GPC6: variants seen among roughly 807,000 people sequenced by gnomAD.
The protein encoded by GPC6 is glypican-6.
A neutral mutation model predicts 55.2 loss-of-function variants in GPC6; 14 were observed. The ratio of observed to expected loss-of-function variants is 0.25; its 90% confidence interval spans 0.17 to 0.40. The LOEUF (loss-of-function observed/expected upper bound fraction) is 0.40. Among genes scored for constraint, GPC6 ranks in the 10% least tolerant of loss-of-function variants. The pLI, the probability that GPC6 is intolerant of heterozygous loss-of-function variation, is 1.00. For synonymous variants in GPC6, 278 were observed against 259.6 expected, an observed-to-expected ratio of 1.07 and a Z score of -0.68; for missense variants, 641 against 708.5, an observed-to-expected ratio of 0.90 and a Z score of 1.08.
rs146505900 is a variant in GPC6, at chr13:94,061,341, A to G, written c.877+33447A>G. ...AACTGTTTATTTTTATATGAAAGAA[A>G]CACAATTTATTAAACAAGACAAGAA... On this transcript the variant is annotated intron_variant, in intron 4 of 8. Transcript: ENST00000377047. 4.0e-4 allele frequency among the ~76,000 whole-genome samples: 61 copies of G among 152,316 alleles called. 1 individual carries two copies. The Middle Eastern group carries it at 0.01, about 25-fold the overall frequency.
At chr13:93,858,966 A>G (rs1308024349) in intron 3 of GPC6, among the ~76,000 whole-genome samples, 2 of 151,636 alleles carry the variant, frequency 1.3e-5, no homozygotes, top group Admixed American at 6.6e-5. Context: ...TTATGTTAAG[A>G]TGAAAGAAAT....
chr13:93,597,625 T>G (rs1877820648), intron 2 of GPC6, among the ~76,000 whole-genome samples: 1 of 152,166 alleles, frequency 6.6e-6, no homozygotes, highest in South Asian at 2.1e-4. Flanking sequence ...TTCTTGCCTC[T>G]CCTTAGCCTC....
chr13:93,817,891 T>C (rs1036851565), intron 2 of GPC6, among the ~76,000 whole-genome samples: 1 of 149,610 alleles, frequency 6.7e-6, no homozygotes, highest in South Asian at 2.1e-4. Flanking sequence ...GATAGATAGA[T>C]AGATATAAAT....
At chr13:93,361,391 C>T (rs1881034976) in intron 1 of GPC6, among the ~76,000 whole-genome samples, 1 of 152,114 alleles carries the variant, frequency 6.6e-6, no homozygotes, top group Non-Finnish European at 1.5e-5. Context: ...CCACAAACCC[C>T]TAAGATGTAT....
At chr13:94,359,998 G>T (rs977568424) in intron 6 of GPC6, among the ~76,000 whole-genome samples, 5 of 152,188 alleles carry the variant, frequency 3.3e-5, no homozygotes, top group African/African-American at 7.2e-5. Context: ...TCAAGGAGAG[G>T]ATTTCTAATG....
chr13:93,789,497 CTCTCTCTCTCTCTA>C (rs1885924581), intron 2 of GPC6, among the ~76,000 whole-genome samples: 1 of 77,016 alleles, frequency 1.3e-5, no homozygotes, highest in Non-Finnish European at 2.7e-5. Flanking sequence ...CTCTCTCTCT[CTCTCTCTCTCTCTA>C]TATATATATA....
intron 6 of GPC6, among the ~76,000 whole-genome samples, chr13:94,350,643 T>C (rs1878494305): frequency 6.6e-6 from 1 of 152,184 alleles, no homozygotes; most frequent in Non-Finnish European, 1.5e-5. Flanking sequence ...TATAATATGA[T>C]ACTCATAATA....
chr13:93,988,472 T>G lies in GPC6; in HGVS notation c.712-39257T>G, dbSNP rs146530156. On this transcript the variant is annotated intron_variant, in intron 3 of 8. Transcript: ENST00000377047. ...TTAATGCATTACGTTAAATGATTCT[T>G]ATAATCTATTTTGGCTAGGATAGCA... 4.0e-3 allele frequency among the ~76,000 whole-genome samples: 614 copies of G among 152,344 alleles called. 1 individual carries two copies. The highest frequency in any genetic ancestry group is 0.011 in the South Asian group (54 of 4,824).
intron 4 of GPC6, among the ~76,000 whole-genome samples, chr13:94,254,550 T>C (rs961969777): frequency 9.2e-5 from 14 of 152,054 alleles, no homozygotes; most frequent in Admixed American, 8.5e-4. Context: ...ATAAAAATAA[T>C]AAAAGTGTAA....
At chr13:93,300,238 T>C (rs1471040955) in intron 1 of GPC6, among the ~76,000 whole-genome samples, 1 of 152,246 alleles carries the variant, frequency 6.6e-6, no homozygotes, top group Non-Finnish European at 1.5e-5. Context: ...CAGGTGTTTA[T>C]ATTTTAGCAT....
chr13:94,027,355 G>T (rs116834371), intron 3 of GPC6, among the ~76,000 whole-genome samples: 20 of 152,212 alleles, frequency 1.3e-4, no homozygotes, highest in African/African-American at 4.6e-4. Flanking sequence ...TAGAAACAGG[G>T]TCAAATAAGC....
Position 94,403,001 on chromosome 13 carries a change from T to C in GPC6, c.1466-14T>C. 1 of 1,587,790 alleles carries C rather than the reference T, an allele frequency of 6.3e-7. No homozygotes were observed. Among genetic ancestry groups the C allele is most frequent in the Admixed American group, 1.7e-5 (1 of 59,988 alleles). On this transcript the variant is annotated splice_polypyrimidine_tract_variant and intron_variant, in intron 8 of 8. Coordinates refer to ENST00000377047, the MANE Select transcript of GPC6 (RefSeq NM_005708.5). Reference sequence around the variant, plus strand: ...TCAGTGGTCTAACTTTCTTTTTCAATCTTTCCACACTAGGTGATGAATCCA... The same window carrying C: ...TCAGTGGTCTAACTTTCTTTTTCAACCTTTCCACACTAGGTGATGAATCCA...
intron 4 of GPC6, among the ~76,000 whole-genome samples, chr13:94,201,680 G>T (rs1348472131): frequency 1.3e-5 from 2 of 152,134 alleles, no homozygotes; most frequent in Non-Finnish European, 2.9e-5. Flanking sequence ...GCCGGGCATG[G>T]TGGCTTACAC....
intron 4 of GPC6, among the ~76,000 whole-genome samples, chr13:94,266,627 C>G (rs1226636972): frequency 6.6e-6 from 1 of 152,092 alleles, no homozygotes; most frequent in Non-Finnish European, 1.5e-5. Context: ...TCTCTGCTCC[C>G]CTTTCCCTGC....
At chr13:93,361,638 C>A (rs1323931415) in intron 1 of GPC6, among the ~76,000 whole-genome samples, 1 of 152,082 alleles carries the variant, frequency 6.6e-6, no homozygotes, top group Admixed American at 6.5e-5. Context: ...AAAGTGTTTA[C>A]AAATTGCACA....
At chr13:93,246,735 T>C (rs1594050680) in intron 1 of GPC6, among the ~76,000 whole-genome samples, 1 of 126,656 alleles carries the variant, frequency 7.9e-6, no homozygotes, top group East Asian at 2.3e-4. Context: ...GAGCTTGCAG[T>C]GAGCCGAGAT....
At chr13:93,812,971 A>T (rs1954015209) in intron 2 of GPC6, among the ~76,000 whole-genome samples, 1 of 152,172 alleles carries the variant, frequency 6.6e-6, no homozygotes, top group Admixed American at 6.5e-5. Context: ...GCATCATTCC[A>T]CTTATGTTGT....
chr13:93,743,270 A>T (rs1884271760), intron 2 of GPC6, among the ~76,000 whole-genome samples: 1 of 152,194 alleles, frequency 6.6e-6, no homozygotes. Context: ...GAGTTACACC[A>T]AAGCTATGGT....
chr13:93,293,931 C>T (rs1878398488), intron 1 of GPC6, among the ~76,000 whole-genome samples: 1 of 151,136 alleles, frequency 6.6e-6, no homozygotes, highest in Admixed American at 6.6e-5. Flanking sequence ...GCACTCTATT[C>T]TTACTTCAAT....
Sources: gnomAD v4.1 joint callset for allele counts (sites outside exome capture counted in the v4.1 genomes callset) on GRCh38, gnomAD v4.1.1 for gene constraint, MANE v1.5 for transcripts, NCBI Gene and HGNC (gene_info 2026-07-23, HGNC 2026-07-21) for gene names.